Variants in MITF observed in about 807,000 individuals in gnomAD.
The protein encoded by MITF is melanocyte inducing transcription factor, also known as microphthalmia-associated transcription factor.
Under a neutral mutation model 60.5 loss-of-function variants are expected in MITF, and 17 were observed. The observed-to-expected ratio is 0.28, with a 90% CI of 0.19 to 0.42. MITF has a LOEUF of 0.42. Ranked by LOEUF, MITF falls within the 10% of genes least tolerant of loss-of-function variation. The probability of loss-of-function intolerance (pLI) is 1.00; values close to 1 mark genes in which losing one functional copy is unlikely to be tolerated. For missense variants in MITF, 622 were observed against 683.5 expected (o/e 0.91, Z 1.00); for synonymous variants, 260 against 248.5 (o/e 1.05, Z -0.43).
At chr3:69,945,942 T>TA (rs776058227) in intron 5 of MITF, among the ~76,000 whole-genome samples, 2 of 152,276 alleles carry the variant, frequency 1.3e-5, no homozygotes, top group Middle Eastern at 3.4e-3. Flanking sequence ...TGCAGTCTGG[T>TA]AAAAAATTGT....
intron 1 of MITF, among the ~76,000 whole-genome samples, chr3:69,798,308 T>G (rs1057487807): frequency 6.6e-6 from 1 of 152,344 alleles, no homozygotes. Context: ...ATTGAATTCC[T>G]TCTATATGTT....
chr3:69,936,676 G>A (rs2065842325), intron 2 of MITF: 2 of 1,612,034 alleles, frequency 1.2e-6, no homozygotes, highest in African/African-American at 1.3e-5. Context: ...TAGAGGGAGG[G>A]ATAGTCTACC....
At chr3:69,846,274 G>T (rs2063732549) in intron 1 of MITF, among the ~76,000 whole-genome samples, 1 of 147,228 alleles carries the variant, frequency 6.8e-6, no homozygotes, top group Non-Finnish European at 1.5e-5. Flanking sequence ...TCCTGAAGGA[G>T]AGAACATACT....
chr3:69,773,348 A>G (rs966855528), intron 1 of MITF, among the ~76,000 whole-genome samples: 9 of 152,182 alleles, frequency 5.9e-5, no homozygotes, highest in African/African-American at 2.2e-4. Flanking sequence ...TTTACTCATT[A>G]AAAATTGGGA....
At chr3:69,924,662 A>T (rs1436473745) in intron 2 of MITF, among the ~76,000 whole-genome samples, 1 of 152,200 alleles carries the variant, frequency 6.6e-6, no homozygotes, top group East Asian at 1.9e-4. Flanking sequence ...ACATAATTTC[A>T]TCTTTAAATC....
chr3:69,929,967 G>C (rs912571935), intron 2 of MITF, among the ~76,000 whole-genome samples: 1 of 152,180 alleles, frequency 6.6e-6, no homozygotes, highest in African/African-American at 2.4e-5. Flanking sequence ...ACTAGGTTAA[G>C]CCAGAGGAAG....
chr3:69,930,876 T>C (rs1198678253), intron 2 of MITF, among the ~76,000 whole-genome samples: 1 of 152,242 alleles, frequency 6.6e-6, no homozygotes, highest in Non-Finnish European at 1.5e-5. Flanking sequence ...TTTCTATGAA[T>C]GTCAAGAGGA....
Position 69,896,216 on chromosome 3 carries a change from T to C in MITF, c.354+16833T>C, listed in dbSNP as rs1232696577. 3.3e-5 allele frequency among the ~76,000 whole-genome samples: 5 copies of C among 152,170 alleles called. No homozygotes were observed. In the East Asian group the frequency reaches 9.6e-4, roughly 29 times the overall value. On this transcript the variant is annotated intron_variant, in intron 2 of 9. Coordinates refer to ENST00000352241, the MANE Select transcript of MITF (RefSeq NM_001354604.2). ...TCCCACAGCATATTAATGCTTGAAG[T>C]AGTCAAAGACAAGTTTTATCATATT...
chr3:69,938,643 A>G, intron 3 of MITF: 2 of 1,338,870 alleles, frequency 1.5e-6, no homozygotes, highest in South Asian at 3.9e-5. Flanking sequence ...TGAAGGCTGG[A>G]TTGGAAACAA....
intron 1 of MITF, among the ~76,000 whole-genome samples, chr3:69,784,947 G>C (rs2062623929): frequency 6.6e-6 from 1 of 152,138 alleles, no homozygotes; most frequent in Admixed American, 6.5e-5. Context: ...CCATTCTGGA[G>C]AGACTGGCGT....
intron 2 of MITF, among the ~76,000 whole-genome samples, chr3:69,900,974 C>T (rs1236266915): frequency 1.3e-5 from 2 of 151,912 alleles, no homozygotes; most frequent in African/African-American, 2.4e-5. Context: ...TGTTCATTTT[C>T]CCAGAAACGG....
chr3:69,739,990 A>G (rs1703469814), intron 1 of MITF, among the ~76,000 whole-genome samples: 1 of 151,406 alleles, frequency 6.6e-6, no homozygotes, highest in African/African-American at 2.4e-5. Flanking sequence ...GCTGAGACTG[A>G]TTGGGGGCTG....
intron 1 of MITF, among the ~76,000 whole-genome samples, chr3:69,810,103 C>T (rs544138499): frequency 5.9e-5 from 9 of 152,216 alleles, no homozygotes; most frequent in East Asian, 3.9e-4. Context: ...ATTTTAAGCA[C>T]GCTCATCTAC....
intron 1 of MITF, among the ~76,000 whole-genome samples, chr3:69,871,443 C>G (rs1273601053): frequency 6.6e-6 from 1 of 152,140 alleles, no homozygotes; most frequent in Admixed American, 6.5e-5. Flanking sequence ...GCTGGTTATT[C>G]AAGGTTAAAT....
chr3:69,742,798 A>C (rs1703576895), intron 1 of MITF, among the ~76,000 whole-genome samples: 1 of 152,184 alleles, frequency 6.6e-6, no homozygotes, highest in Non-Finnish European at 1.5e-5. Flanking sequence ...TTTACAGTTC[A>C]TTCTTTAAAC....
At chr3:69,888,144 C>T (rs959738253) in intron 2 of MITF, among the ~76,000 whole-genome samples, 8 of 152,024 alleles carry the variant, frequency 5.3e-5, no homozygotes, top group African/African-American at 1.9e-4. Context: ...GTTGTAATCT[C>T]CCCTGTTGGG....
intron 1 of MITF, among the ~76,000 whole-genome samples, chr3:69,818,422 C>G (rs2063215306): frequency 1.3e-5 from 2 of 152,184 alleles, no homozygotes; most frequent in African/African-American, 4.8e-5. Context: ...GTGGACCGCT[C>G]TACATCAGTC....
chr3:69,821,605 A>AT (rs200660987), intron 1 of MITF, among the ~76,000 whole-genome samples: 6 of 150,002 alleles, frequency 4.0e-5, no homozygotes, highest in African/African-American at 4.9e-5. Context: ...TTAGACCTAG[A>AT]TTTAAAAAAA....
At chr3:69,761,029 A>C (rs117885319) in intron 1 of MITF, among the ~76,000 whole-genome samples, 1 of 152,238 alleles carries the variant, frequency 6.6e-6, no homozygotes, top group African/African-American at 2.4e-5. Context: ...ACAACAGAGC[A>C]CAAAGAACAA....
Sources: allele counts gnomAD v4.1 joint callset (sites outside exome capture counted in the v4.1 genomes callset), GRCh38; gene constraint gnomAD v4.1.1; transcripts MANE v1.5; gene names NCBI Gene and HGNC (gene_info 2026-07-23, HGNC 2026-07-21).